The following ANKS1B variants were observed in gnomAD, a reference collection of about 807,000 sequenced individuals.
ANKS1B encodes the protein ankyrin repeat and sterile alpha motif domain containing 1B, also known as ankyrin repeat and sterile alpha motif domain-containing protein 1B.
A neutral mutation model predicts 148.3 loss-of-function variants in ANKS1B; 36 were observed. That is an observed-to-expected ratio of 0.24 (90% CI 0.19 to 0.32). ANKS1B has a LOEUF of 0.32. Ranked by LOEUF, ANKS1B falls within the 10% of genes least tolerant of loss-of-function variation. The probability of loss-of-function intolerance (pLI) is 1.00; values close to 1 mark genes in which losing one functional copy is unlikely to be tolerated. For missense variants in ANKS1B, 1,157 were observed against 1,542.6 expected (o/e 0.75, Z 4.19); for synonymous variants, 542 against 560.8 (o/e 0.97, Z 0.47).
chr12:99,009,841 CA>C (rs150905224), intron 17 of ANKS1B, among the ~76,000 whole-genome samples: 2,461 of 133,306 alleles, frequency 0.018, 56 homozygotes, highest in African/African-American at 0.056. Flanking sequence ...GTCATCTATG[CA>C]AAAAAAAAAA....
chr12:98,959,654 T>A (rs1197951591), intron 17 of ANKS1B, among the ~76,000 whole-genome samples: 1 of 152,098 alleles, frequency 6.6e-6, no homozygotes, highest in East Asian at 1.9e-4. Context: ...TTGGCCACAG[T>A]GGAGTAGAGC....
In ANKS1B at chr12:99,325,122, C is replaced by A. The variant is rs117581765; in HGVS notation, c.1756+74509G>T. 3.4e-3 allele frequency among the ~76,000 whole-genome samples: 512 copies of A among 151,946 alleles called. 1 individual carries two copies. The highest frequency in any genetic ancestry group is 5.8e-3 in the Non-Finnish European group (394 of 67,950). The stretch of plus-strand genomic sequence containing the variant: ...ACTATAATGAAGCATATAGGGTCTT[C>A]AAAAAATTCATAGAAAATGCATATT... On this transcript the variant is annotated intron_variant, in intron 12 of 26. Transcript: ENST00000683438.
At chr12:99,633,358 C>T (rs971366733) in intron 9 of ANKS1B, among the ~76,000 whole-genome samples, 2 of 152,106 alleles carry the variant, frequency 1.3e-5, no homozygotes, top group African/African-American at 4.8e-5. Context: ...TGATCTTTGA[C>T]AAGCCTGACA....
At chr12:99,863,559 C>T (rs2090324484) in intron 1 of ANKS1B, among the ~76,000 whole-genome samples, 1 of 151,356 alleles carries the variant, frequency 6.6e-6, no homozygotes, top group Non-Finnish European at 1.5e-5. Context: ...ACTAAGAATA[C>T]AAAAAATTAG....
At chr12:98,782,298 A>T (rs2098745077) in intron 22 of ANKS1B, among the ~76,000 whole-genome samples, 161 bp from the exon 23 acceptor site, 1 of 152,230 alleles carries the variant, frequency 6.6e-6, no homozygotes. Flanking sequence ...TCAAAGATGC[A>T]GTGCCACTGT....
intron 12 of ANKS1B, among the ~76,000 whole-genome samples, chr12:99,321,055 T>A (rs1359408253): frequency 1.3e-5 from 2 of 152,174 alleles, no homozygotes; most frequent in Admixed American, 1.3e-4. Context: ...TGCCTGATAC[T>A]TCCTCTGGAA....
At chr12:99,497,492 G>C (rs1280936666) in intron 10 of ANKS1B, among the ~76,000 whole-genome samples, 2 of 152,138 alleles carry the variant, frequency 1.3e-5, no homozygotes, top group Admixed American at 1.3e-4. Flanking sequence ...TCTGTGGGCT[G>C]TGAGGGAAGG....
At chr12:98,790,304 G>C (rs1246423395) in intron 22 of ANKS1B, among the ~76,000 whole-genome samples, 2 of 152,120 alleles carry the variant, frequency 1.3e-5, no homozygotes, top group Non-Finnish European at 2.9e-5. Flanking sequence ...TGGATTCCTG[G>C]CTTAGTTCCA....
chr12:99,976,900 G>A (rs776338187), intron 1 of ANKS1B, among the ~76,000 whole-genome samples: 8 of 152,152 alleles, frequency 5.3e-5, no homozygotes, highest in Non-Finnish European at 1.0e-4. Context: ...CTGGATGCTG[G>A]GAAGTAAAAG....
At chr12:99,648,786 A>G (rs781296466) in intron 9 of ANKS1B, 84 of 1,609,194 alleles carry the variant, frequency 5.2e-5, no homozygotes, top group Non-Finnish European at 6.7e-5. Flanking sequence ...AGAGGAGCCC[A>G]GTGGTGAGTC....
intron 14 of ANKS1B, among the ~76,000 whole-genome samples, chr12:99,192,385 T>C (rs1344981315): frequency 6.6e-6 from 1 of 152,188 alleles, no homozygotes; most frequent in Non-Finnish European, 1.5e-5. Flanking sequence ...AGAATCTATT[T>C]GTTTCTCTAG....
intron 12 of ANKS1B, among the ~76,000 whole-genome samples, chr12:99,279,517 T>C (rs917519759): frequency 1.3e-5 from 2 of 152,130 alleles, no homozygotes; most frequent in African/African-American, 4.8e-5. Flanking sequence ...TCTCTCTCTA[T>C]AGATTTGCCT....
chr12:98,767,218 G>A (rs975599993), intron 25 of ANKS1B, among the ~76,000 whole-genome samples: 1 of 152,170 alleles, frequency 6.6e-6, no homozygotes, highest in Non-Finnish European at 1.5e-5. Context: ...TCACGACCAC[G>A]TGGTTGATGC....
chr12:99,551,991 G>A (rs113876731), intron 9 of ANKS1B, among the ~76,000 whole-genome samples: 2,845 of 152,180 alleles, frequency 0.019, 45 homozygotes, highest in Middle Eastern at 0.034. Context: ...TATATGTACA[G>A]TTCCTAGCAT....
At chr12:99,653,678 C>CTTTTTTTTTTT (rs199988255) in intron 9 of ANKS1B, among the ~76,000 whole-genome samples, 2 of 113,582 alleles carry the variant, frequency 1.8e-5, no homozygotes, top group Non-Finnish European at 3.7e-5. Flanking sequence ...TTCTTTCTTT[C>CTTTTTTTTTTT]TTTTTTTTTT....
intron 11 of ANKS1B, among the ~76,000 whole-genome samples, chr12:99,442,256 C>T (rs1017005244): frequency 2.0e-5 from 3 of 151,862 alleles, no homozygotes; most frequent in African/African-American, 7.2e-5. Context: ...TCTAGAACTC[C>T]TGGGCTCAAG....
intron 12 of ANKS1B, among the ~76,000 whole-genome samples, chr12:99,314,382 A>G (rs375672810): frequency 6.6e-6 from 1 of 152,228 alleles, no homozygotes; most frequent in Non-Finnish European, 1.5e-5. Context: ...CCATCAAACT[A>G]ACATCGACAT....
intron 9 of ANKS1B, among the ~76,000 whole-genome samples, chr12:99,627,432 T>C (rs1037197976): frequency 6.6e-6 from 1 of 152,142 alleles, no homozygotes; most frequent in Non-Finnish European, 1.5e-5. Flanking sequence ...CACAAAGCAA[T>C]GTAGTATTGG....
chr12:99,178,408 C>A (rs1221174665), intron 14 of ANKS1B, among the ~76,000 whole-genome samples: 1 of 152,208 alleles, frequency 6.6e-6, no homozygotes, highest in Non-Finnish European at 1.5e-5. Context: ...GGGGAACCTG[C>A]TGTTGGCATA....
Sources: allele counts gnomAD v4.1 joint callset (sites outside exome capture counted in the v4.1 genomes callset), GRCh38; gene constraint gnomAD v4.1.1; transcripts MANE v1.5; gene names NCBI Gene and HGNC (gene_info 2026-07-23, HGNC 2026-07-21).